APBA1: variants seen among roughly 807,000 people sequenced by gnomAD.
APBA1 encodes amyloid beta precursor protein binding family A member 1, also known as amyloid-beta A4 precursor protein-binding family A member 1.
A neutral mutation model predicts 86.6 loss-of-function variants in APBA1; 55 were observed. The ratio of observed to expected loss-of-function variants is 0.64; its 90% CI spans 0.51 to 0.80. APBA1 has a LOEUF of 0.80. Ranked by LOEUF, APBA1 falls within the 30% of genes least tolerant of loss-of-function variation. APBA1 has a pLI of 0.00. For synonymous variants in APBA1, 511 were observed against 493.9 expected, an observed-to-expected ratio of 1.03 and a Z score of -0.46; for missense variants, 1,090 against 1,183.0, an observed-to-expected ratio of 0.92 and a Z score of 1.15.
chr9:69,444,334 G>A (rs540597859), intron 10 of APBA1, among the ~76,000 whole-genome samples: 23 of 152,316 alleles, frequency 1.5e-4, no homozygotes, highest in African/African-American at 5.1e-4. Context: ...TTCCATATGC[G>A]GCAGATCCCA....
At chr9:69,531,021 T>G (rs1836424865) in intron 1 of APBA1, among the ~76,000 whole-genome samples, 1 of 152,124 alleles carries the variant, frequency 6.6e-6, no homozygotes, top group African/African-American at 2.4e-5. Flanking sequence ...AAAAAGAAAA[T>G]TTTAATATTT....
chr9:69,523,463 G>GTATATA (rs1396175369), intron 1 of APBA1, among the ~76,000 whole-genome samples: 2 of 109,194 alleles, frequency 1.8e-5, no homozygotes, highest in South Asian at 2.9e-4. Context: ...TCATGTATGT[G>GTATATA]TATATATATA....
chr9:69,660,059 T>C (rs1823720654), intron 1 of APBA1, among the ~76,000 whole-genome samples: 1 of 152,180 alleles, frequency 6.6e-6, no homozygotes, highest in South Asian at 2.1e-4. Context: ...AGTAACATAT[T>C]GATCATAGAC....
At chr9:69,451,460 G>A (rs1835007413) in intron 9 of APBA1, among the ~76,000 whole-genome samples, 1 of 152,150 alleles carries the variant, frequency 6.6e-6, no homozygotes, top group Non-Finnish European at 1.5e-5. Flanking sequence ...CTCCAGTTCT[G>A]ACCCAGATCT....
intron 1 of APBA1, among the ~76,000 whole-genome samples, chr9:69,568,077 G>A (rs1837058258): frequency 6.6e-6 from 1 of 152,164 alleles, no homozygotes; most frequent in Non-Finnish European, 1.5e-5. Context: ...GATAAGGTCA[G>A]TCTACACTTC....
intron 2 of APBA1, chr9:69,494,294 C>A (rs1835761149): frequency 6.6e-6 from 1 of 152,050 alleles, no homozygotes; most frequent in South Asian, 2.1e-4. Flanking sequence ...CAGGCAAAGC[C>A]CTCCTGTTCC....
chr9:69,548,999 G>C (rs1167411867), intron 1 of APBA1, among the ~76,000 whole-genome samples: 1 of 152,214 alleles, frequency 6.6e-6, no homozygotes, highest in African/African-American at 2.4e-5. Flanking sequence ...TAAGAGCAAA[G>C]GCCGGGTAGG....
At chr9:69,655,433 T>C (rs62571860) in intron 1 of APBA1, among the ~76,000 whole-genome samples, 2,965 of 152,186 alleles carry the variant, frequency 0.019, 38 homozygotes, top group Middle Eastern at 0.068. Context: ...AGCATTTCTA[T>C]ATACCAATAA....
intron 1 of APBA1, among the ~76,000 whole-genome samples, chr9:69,564,976 A>C (rs1361703043): frequency 6.6e-6 from 1 of 152,220 alleles, no homozygotes; most frequent in Non-Finnish European, 1.5e-5. Context: ...TGTGTGAATT[A>C]TTTCTAATGT....
In APBA1 at chr9:69,516,941, G is replaced by A. The variant is rs1318656047; in HGVS notation, c.270C>T (p.Asp90=). 1 of 1,594,300 alleles carries A rather than the reference G, an allele frequency of 6.3e-7. No individual in the cohort carries two copies. The highest frequency in any genetic ancestry group is 1.1e-5 in the South Asian group (1 of 90,424). ...STESGFHNHT[D]TAEGDVIAAA... is the part of the protein sequence containing the mutation. The stretch of plus-strand genomic sequence containing the variant: ...CGGCGATCACGTCGCCCTCGGCGGT[G>A]TCCGTGTGGTTGTGGAAGCCGCTCT... The change falls in exon 2 of 13, where the codon GAC becomes GAT. Residue 90 remains aspartate (D), a synonymous_variant. Transcript: ENST00000265381. The surrounding 1 kb of genome is among the most constrained non-coding windows in gnomAD (Gnocchi z 7.3).
chr9:69,662,021 A>AACACACACACACACAC (rs3069250), intron 1 of APBA1, among the ~76,000 whole-genome samples: 70 of 146,758 alleles, frequency 4.8e-4, no homozygotes, highest in African/African-American at 1.7e-3. Context: ...GACAAACAGT[A>AACACACACACACACAC]ACACACACAC....
At chr9:69,455,048 C>T (rs973588940) in intron 8 of APBA1, among the ~76,000 whole-genome samples, 3 of 152,198 alleles carry the variant, frequency 2.0e-5, no homozygotes, top group Admixed American at 2.0e-4. Flanking sequence ...TCTGTGCCCA[C>T]AGCCACGACA....
At chr9:69,602,378 T>G (rs1414320709) in intron 1 of APBA1, among the ~76,000 whole-genome samples, 1 of 152,078 alleles carries the variant, frequency 6.6e-6, no homozygotes, top group Non-Finnish European at 1.5e-5. Context: ...AAGACCATCC[T>G]GCCTAACATG....
chr9:69,672,505 A>G (rs1446802042), upstream of APBA1, among the ~76,000 whole-genome samples: 2 of 145,736 alleles, frequency 1.4e-5, no homozygotes, highest in African/African-American at 5.0e-5. Flanking sequence ...GCCTGCTAGT[A>G]GCGCCCCTGC....
chr9:69,547,794 T>C (rs1442017801), intron 1 of APBA1, among the ~76,000 whole-genome samples: 1 of 152,218 alleles, frequency 6.6e-6, no homozygotes, highest in Non-Finnish European at 1.5e-5. Context: ...TTCAGTCAAG[T>C]GCTTTACTCA....
chr9:69,470,258 T>C (rs1272225790), intron 4 of APBA1, among the ~76,000 whole-genome samples: 1 of 152,204 alleles, frequency 6.6e-6, no homozygotes, highest in African/African-American at 2.4e-5. Context: ...AGTATATTCT[T>C]ACAAAGTTAA....
chr9:69,513,853 C>A (rs1836091487), intron 2 of APBA1, among the ~76,000 whole-genome samples: 2 of 152,180 alleles, frequency 1.3e-5, no homozygotes, highest in South Asian at 2.1e-4. Context: ...ATAATGGTTT[C>A]TCACTCCAAA....
At chr9:69,579,292 C>T (rs1288792423) in intron 1 of APBA1, among the ~76,000 whole-genome samples, 2 of 152,134 alleles carry the variant, frequency 1.3e-5, no homozygotes, top group Admixed American at 6.6e-5. Flanking sequence ...CTTTTCTTTT[C>T]CCCCTAAGAA....
At chr9:69,504,501 A>C (rs1835923829) in intron 2 of APBA1, among the ~76,000 whole-genome samples, 1 of 152,082 alleles carries the variant, frequency 6.6e-6, no homozygotes, top group African/African-American at 2.4e-5. Context: ...ATCCCCAAAA[A>C]GCCTATTGGA....
Sources: gnomAD v4.1 joint callset for allele counts (sites outside exome capture counted in the v4.1 genomes callset) on GRCh38, gnomAD v4.1.1 for gene constraint, Gnocchi (gnomAD v3.1) non-coding constraint, MANE v1.5 for transcripts, NCBI Gene and HGNC (gene_info 2026-07-23, HGNC 2026-07-21) for gene names.